The following ADPRHL1 variants were observed in gnomAD, a reference collection of about 807,000 sequenced individuals.
The protein encoded by ADPRHL1 is inactive ADP-ribosyltransferase ARH2.
ADPRHL1 carries 43 observed loss-of-function variants against 44.1 expected under a neutral mutation model. The ratio of observed to expected loss-of-function variants is 0.98; its 90% confidence interval spans 0.76 to 1.26. The LOEUF (loss-of-function observed/expected upper bound fraction) is 1.26. Ranked by LOEUF, ADPRHL1 falls within the 50% of genes most tolerant of loss-of-function variation. The pLI is 0.00. For missense variants in ADPRHL1, 2,022 were observed against 2,496.9 expected (o/e 0.81, Z 4.05); for synonymous variants, 878 against 1,017.4 (o/e 0.86, Z 2.61).
chr13:113,451,138 C>T (rs1176095136), intron 1 of ADPRHL1, among the ~76,000 whole-genome samples: 1 of 152,250 alleles, frequency 6.6e-6, no homozygotes, highest in Non-Finnish European at 1.5e-5. Context: ...CTTCTGGTCA[C>T]ACCTCACTAT....
chr13:113,447,148 A>T (rs1443844212), intron 1 of ADPRHL1, among the ~76,000 whole-genome samples: 2 of 135,560 alleles, frequency 1.5e-5, no homozygotes, highest in African/African-American at 5.9e-5. Context: ...TTGTATGTGC[A>T]TGGCGTCTAC....
At position 113,404,490 on chromosome 13, in the gene ADPRHL1, T is replaced by G; in HGVS notation, c.4792A>C (p.Lys1598Gln). The G allele has an allele frequency of 1.5e-6, 2 of 1,305,356 alleles. No individual in the cohort carries two copies. Among genetic ancestry groups the G allele is most frequent in the Non-Finnish European group, 1.9e-6 (2 of 1,034,612 alleles). 80.9% of individuals were successfully genotyped at this position (1,305,356 alleles called of 1,614,324 possible). Residue 1598 changes from lysine (K) to glutamine (Q), a missense_variant, in exon 8 of 8, where the codon AAA becomes CAA. Transcript: ENST00000612156. ...AQGQIQGQAQKQVQGEVQKWA... is the reference protein window; with the variant it reads ...AQGQIQGQAQQQVQGEVQKWA... ...TTCTGAACCTCTCCTTGAACCTGTT[T>G]CTGGGCCTGTCCCTGAATCTGCCCC...
At chr13:113,422,792 C>T (rs759719647) in intron 7 of ADPRHL1, 34 bp downstream of exon 7, 9 of 1,611,780 alleles carry the variant, frequency 5.6e-6, no homozygotes, top group Non-Finnish European at 4.2e-6. Context: ...GTGGAATCGG[C>T]TCTCTAGGGG....
chr13:113,431,227 G>A (rs896276775), intron 3 of ADPRHL1, among the ~76,000 whole-genome samples: 4 of 152,358 alleles, frequency 2.6e-5, no homozygotes, highest in Middle Eastern at 3.4e-3. Flanking sequence ...CGGGGCTGTC[G>A]TGGGGAAAAG....
At position 113,406,239 on chromosome 13, in the gene ADPRHL1, T is replaced by C. The variant is rs1595535923; in HGVS notation, c.3043A>G (p.Arg1015Gly). ...CTGGAGGCATGGCTGGTGTTTCCCC[T>C]CAGAAGGTTTTGTGAGGCTGCAGGA... ...NDPAASQNLL[R>G]GNTSHASSSQ... Residue 1015 changes from arginine (R) to glycine (G), a missense_variant, in exon 8 of 8, where the codon AGG (arginine) becomes GGG (glycine). Around this residue, in one of 8 missense-constraint regions of ADPRHL1, gnomAD observed 1,221 missense variants for 1,517.8 expected, o/e 0.80. Coordinates refer to ENST00000612156, the MANE Select transcript of ADPRHL1 (RefSeq NM_001394807.1). The C allele has an allele frequency of 3.2e-6, 4 of 1,232,110 alleles. No homozygotes were observed. Among genetic ancestry groups the C allele is most frequent in the Non-Finnish European group, 3.0e-6 (3 of 987,990 alleles). 76.3% of individuals were successfully genotyped at this position (1,232,110 alleles called of 1,614,324 possible).
At chr13:113,428,685 C>A (rs113796115) in intron 4 of ADPRHL1, among the ~76,000 whole-genome samples, 13 of 152,356 alleles carry the variant, frequency 8.5e-5, no homozygotes, top group African/African-American at 3.1e-4. Context: ...CGGGTGGACC[C>A]GCCGGAGGCA....
chr13:113,432,460 A>G (rs762020779), intron 3 of ADPRHL1, among the ~76,000 whole-genome samples: 2 of 152,110 alleles, frequency 1.3e-5, no homozygotes, highest in Non-Finnish European at 2.9e-5. Flanking sequence ...TTAATTTTTA[A>G]TTTGCGCCCA....
At chr13:113,419,588 A>G (rs530894731) in intron 7 of ADPRHL1, among the ~76,000 whole-genome samples, 4 of 152,292 alleles carry the variant, frequency 2.6e-5, no homozygotes, top group Admixed American at 2.0e-4. Flanking sequence ...TCCTTTTCAG[A>G]AGAGCTGGGG....
chr13:113,418,994 C>A (rs1566470003), intron 7 of ADPRHL1, among the ~76,000 whole-genome samples: 1 of 139,330 alleles, frequency 7.2e-6, no homozygotes, highest in Non-Finnish European at 1.6e-5. Flanking sequence ...CTCCCTCCCT[C>A]CCTCCCTTCC....
Position 113,453,133 on chromosome 13 carries a change from G to T in ADPRHL1, c.214+91C>A. On this transcript the variant is annotated intron_variant, in intron 1 of 7. Transcript: ENST00000612156. The surrounding 1 kb of genome is among the most constrained non-coding windows in gnomAD (Gnocchi z 5.4). ...ACACCATCCGCTGAAGGACCGCACT[G>T]CCTTCAAAGCTCTCGGAGGCTTACT... 7.1e-7 allele frequency: 1 copy of T among 1,414,344 alleles called. No homozygotes were observed. The highest frequency in any genetic ancestry group is 9.9e-7 in the Non-Finnish European group (1 of 1,014,104). 87.6% of individuals were successfully genotyped at this position (1,414,344 alleles called of 1,614,324 possible). A position where few individuals can be genotyped will look rare whatever the true frequency, so the allele number is the denominator to read the frequency against.
chr13:113,429,180 G>A (rs1347484521), intron 3 of ADPRHL1, 88 bp from the exon 4 acceptor site: 11 of 1,512,884 alleles, frequency 7.3e-6, no homozygotes, highest in South Asian at 3.6e-5. Flanking sequence ...TGGGACTCCC[G>A]AGGAAGGGTT....
intron 2 of ADPRHL1, among the ~76,000 whole-genome samples, chr13:113,438,669 G>A (rs1051277072): frequency 6.6e-6 from 1 of 152,084 alleles, no homozygotes; most frequent in Non-Finnish European, 1.5e-5. Context: ...GTGACAGAGC[G>A]AGACTCCATC....
intron 1 of ADPRHL1, among the ~76,000 whole-genome samples, chr13:113,452,336 C>A (rs66773470): frequency 0.16 from 24,063 of 152,236 alleles, 2,090 homozygotes; most frequent in Middle Eastern, 0.28. Flanking sequence ...GGACCGGCCA[C>A]AGGCTCGATG....
intron 7 of ADPRHL1, 178 bp downstream of exon 7, chr13:113,422,646 ATG>A (rs1359394647): frequency 1.3e-6 from 1 of 764,246 alleles, no homozygotes; most frequent in African/African-American, 1.8e-5. Context: ...AGGACAAACA[ATG>A]TATTTTATGC....
intron 1 of ADPRHL1, among the ~76,000 whole-genome samples, chr13:113,451,437 G>C (rs576836990): frequency 1.3e-5 from 2 of 152,152 alleles, no homozygotes; most frequent in South Asian, 4.1e-4. Flanking sequence ...CCACAAACTA[G>C]ACGCTGCAGC....
At chr13:113,425,024 A>G in intron 5 of ADPRHL1, 28 bp downstream of exon 5, 1 of 1,612,674 alleles carries the variant, frequency 6.2e-7, no homozygotes, top group Non-Finnish European at 8.5e-7. Context: ...TGTGCCAGAC[A>G]TTGCCCCAGT....
At chr13:113,434,555 C>T (rs1424041844) in intron 2 of ADPRHL1, among the ~76,000 whole-genome samples, 2 of 146,642 alleles carry the variant, frequency 1.4e-5, no homozygotes. Flanking sequence ...CGGGACCCGG[C>T]ACCCAGGTGT....
chr13:113,424,690 A>T (rs1242287812), intron 5 of ADPRHL1, among the ~76,000 whole-genome samples: 1 of 131,472 alleles, frequency 7.6e-6, no homozygotes, highest in Non-Finnish European at 1.6e-5. Context: ...TCATCTATCC[A>T]CCCATCCATT....
intron 2 of ADPRHL1, among the ~76,000 whole-genome samples, chr13:113,435,368 T>C (rs2044045406): frequency 7.4e-6 from 1 of 136,048 alleles, no homozygotes; most frequent in Non-Finnish European, 1.5e-5. Context: ...AGGCGTAGAG[T>C]GAACATAGGT....
Sources: gnomAD v4.1 joint callset for allele counts (sites outside exome capture counted in the v4.1 genomes callset) on GRCh38, gnomAD v4.1.1 for gene constraint, gnomAD v4.1.1 regional missense constraint, Gnocchi (gnomAD v3.1) non-coding constraint, MANE v1.5 for transcripts, NCBI Gene and HGNC (gene_info 2026-07-23, HGNC 2026-07-21) for gene names.